The following BDKRB2 variants were observed in gnomAD, a reference collection of about 807,000 sequenced individuals.
BDKRB2 encodes bradykinin receptor B2.
In BDKRB2, 6 loss-of-function variants were observed where a neutral mutation model predicts 4.0. The ratio of observed to expected loss-of-function variants is 1.49; its 90% CI spans 0.81 to 2.93. The LOEUF (loss-of-function observed/expected upper bound fraction) is 2.93, where lower values mean the gene tolerates loss of function less well. Among genes scored for constraint, BDKRB2 ranks in the 30% most tolerant of loss-of-function variants. The probability of loss-of-function intolerance (pLI) is 0.00; values close to 1 mark genes in which losing one functional copy is unlikely to be tolerated. For synonymous variants in BDKRB2, 225 were observed against 215.3 expected, an observed-to-expected ratio of 1.05 and a Z score of -0.40; for missense variants, 478 against 520.1, an observed-to-expected ratio of 0.92 and a Z score of 0.79.
chr14:96,219,421 G>A (rs1334899910), intron 1 of BDKRB2, among the ~76,000 whole-genome samples: 1 of 151,958 alleles, frequency 6.6e-6, no homozygotes, highest in Non-Finnish European at 1.5e-5. Context: ...GGAGGGGTGG[G>A]GACCGGGACC....
intron 1 of BDKRB2, among the ~76,000 whole-genome samples, chr14:96,228,423 G>A (rs888843604): frequency 1.3e-5 from 2 of 152,172 alleles, no homozygotes; most frequent in Non-Finnish European, 2.9e-5. Flanking sequence ...GATGGTGAAT[G>A]CAGAGGTTTT....
chr14:96,239,948 T>C, intron 2 of BDKRB2: 1 of 986,862 alleles, frequency 1.0e-6, no homozygotes, highest in Non-Finnish European at 1.2e-6. Context: ...GACTGGAATC[T>C]CCAGGTCTGG....
intron 1 of BDKRB2, among the ~76,000 whole-genome samples, chr14:96,220,659 T>C (rs1326427900): frequency 6.7e-6 from 1 of 149,318 alleles, no homozygotes; most frequent in African/African-American, 2.5e-5. Context: ...CCATCCCTTT[T>C]CCTCCATCTC....
chr14:96,240,004 C>G, intron 2 of BDKRB2: 1 of 1,002,488 alleles, frequency 1.0e-6, no homozygotes, highest in Non-Finnish European at 1.2e-6. Flanking sequence ...ACCCACCACA[C>G]GGCTTTGAGA....
rs199660510 is a variant in BDKRB2 at position 96,237,092 on chromosome 14, C to G, written c.-16C>G. On this transcript the variant is annotated 5_prime_UTR_variant, in exon 2 of 3. The change creates a new upstream start codon in the 5' untranslated region. Coordinates refer to ENST00000554311, the MANE Select transcript of BDKRB2 (RefSeq NM_001379692.1). Reference sequence around the variant, plus strand: ...AGCCCAGGTGTGGCCTCACTCACATCCCACTCTGAGTCCAAATGTTCTCTC... The same window carrying G: ...AGCCCAGGTGTGGCCTCACTCACATGCCACTCTGAGTCCAAATGTTCTCTC... 45 of 1,607,232 alleles carry G rather than the reference C, an allele frequency of 2.8e-5. No individual in the cohort carries two copies. Among genetic ancestry groups the G allele is most frequent in the Non-Finnish European group, 3.8e-5 (45 of 1,173,756 alleles).
chr14:96,219,983 A>T (rs957037949), intron 1 of BDKRB2, among the ~76,000 whole-genome samples: 1 of 152,036 alleles, frequency 6.6e-6, no homozygotes, highest in Non-Finnish European at 1.5e-5. Flanking sequence ...GCAGTGAGCC[A>T]TTGTGACATT....
rs1363659698 is a variant in BDKRB2 at position 96,241,355 on chromosome 14, T to C, written c.1027T>C (p.Ser343Pro). The change falls in exon 3 of 3, where the codon TCT becomes CCT. Residue 343 changes from serine (S) to proline (P), a missense_variant. By Grantham distance (74) the Ser-to-Pro change is moderately conservative. Transcript: ENST00000554311. ...CGTGGGCAAGCGCTTCCGAAAGAAG[T>C]CTTGGGAGGTGTACCAGGGAGTGTG... ...VIVGKRFRKK[S>P]WEVYQGVCQK... is the part of the protein sequence containing the mutation. 6.2e-7 allele frequency: 1 copy of C among 1,613,794 alleles called. No individual in the cohort carries two copies. The highest frequency in any genetic ancestry group is 8.5e-7 in the Non-Finnish European group (1 of 1,179,968).
intron 1 of BDKRB2, among the ~76,000 whole-genome samples, chr14:96,226,307 G>T (rs568319596): frequency 6.6e-6 from 1 of 152,146 alleles, no homozygotes; most frequent in South Asian, 2.1e-4. Context: ...GACAATGTTA[G>T]CACACTGCTG....
At chr14:96,214,612 G>A (rs1359292634) in intron 1 of BDKRB2, 2 of 152,438 alleles carry the variant, frequency 1.3e-5, no homozygotes, top group East Asian at 1.9e-4. Flanking sequence ...ACATGCCAGA[G>A]TCGGGGTGGC....
intron 1 of BDKRB2, among the ~76,000 whole-genome samples, chr14:96,208,331 G>A (rs565272979): frequency 6.6e-6 from 1 of 152,202 alleles, no homozygotes; most frequent in Admixed American, 6.5e-5. Context: ...GGAAGATTCT[G>A]GAGGCTGGAA....
chr14:96,241,543 T>C lies in BDKRB2; in HGVS notation c.*39T>C. The C allele has an allele frequency of 1.3e-6, 2 of 1,501,256 alleles. No individual in the cohort carries two copies. Among genetic ancestry groups the C allele is most frequent in the Non-Finnish European group, 1.8e-6 (2 of 1,132,564 alleles). The allele number at this position is 1,501,256 out of a possible 1,614,324, so 93.0% of individuals were successfully genotyped here. A position where few individuals can be genotyped will look rare whatever the true frequency, so the allele number is the denominator to read the frequency against. On this transcript the variant is annotated 3_prime_UTR_variant, in exon 3 of 3. Coordinates refer to ENST00000554311, the MANE Select transcript of BDKRB2 (RefSeq NM_001379692.1). The stretch of plus-strand genomic sequence containing the variant: ...GGGCTGCTGTGAATTTGTGTAAGGA[T>C]TGAGGGACAGTTGCTTTTCAGCATG...
At position 96,232,026 on chromosome 14, in the gene BDKRB2, G is replaced by A. The variant is rs1261888084; in HGVS notation, c.-39-5043G>A. On this transcript the variant is annotated intron_variant, in intron 1 of 2. Coordinates refer to ENST00000554311, the MANE Select transcript of BDKRB2 (RefSeq NM_001379692.1). ...CCATCTCTCCATCCGGCTGTGTAAT[G>A]AATGACTGGAAACCTCAGCTGGCCT... is the stretch of plus-strand genomic sequence containing the variant. Among the ~76,000 whole-genome samples, 5 of 152,320 alleles carry A rather than the reference G, an allele frequency of 3.3e-5. No individual in the cohort carries two copies. In the East Asian group the frequency reaches 9.7e-4, roughly 29 times the overall value.
At chr14:96,224,866 G>A (rs1346792909) in intron 1 of BDKRB2, among the ~76,000 whole-genome samples, 1 of 152,196 alleles carries the variant, frequency 6.6e-6, no homozygotes, top group Non-Finnish European at 1.5e-5. Flanking sequence ...CCTCCTGAGC[G>A]GAATTGGATA....
intron 1 of BDKRB2, among the ~76,000 whole-genome samples, chr14:96,209,638 G>A (rs1890260619): frequency 6.6e-6 from 1 of 152,220 alleles, no homozygotes; most frequent in Non-Finnish European, 1.5e-5. Context: ...AAAGAAGCAG[G>A]TGGAGGAATC....
chr14:96,241,005 T>C lies in BDKRB2; in HGVS notation c.677T>C (p.Met226Thr), dbSNP rs778853908. The C allele has an allele frequency of 1.1e-5, 18 of 1,602,992 alleles. No homozygotes were observed. In the Admixed American group the frequency reaches 1.2e-4, roughly 10 times the overall value. The change falls in exon 3 of 3, where the codon ATG (methionine) becomes ACG (threonine). Residue 226 changes from methionine to threonine, a missense_variant. Physicochemically the swap from Met to Thr is moderately conservative, Grantham distance 81. Coordinates refer to ENST00000554311, the MANE Select transcript of BDKRB2 (RefSeq NM_001379692.1). ...CTCATCTGGGAAGTGTTCACCAACA[T>C]GCTCCTGAATGTCGTGGGCTTCCTG... ...PSLIWEVFTN[M>T]LLNVVGFLLP...
chr14:96,206,717 TG>T (rs1890188351), intron 1 of BDKRB2, among the ~76,000 whole-genome samples: 1 of 152,170 alleles, frequency 6.6e-6, no homozygotes, highest in African/African-American at 2.4e-5. Context: ...CCTCCTCACC[TG>T]TGCTGCTTGT....
intron 2 of BDKRB2, chr14:96,240,139 G>A (rs1211766849): frequency 2.5e-6 from 3 of 1,193,852 alleles, no homozygotes; most frequent in Non-Finnish European, 3.1e-6. Context: ...TGCTGTTGGT[G>A]GATACTGGCC....
intron 1 of BDKRB2, among the ~76,000 whole-genome samples, chr14:96,230,156 G>A (rs1011179017): frequency 6.6e-6 from 1 of 151,962 alleles, no homozygotes; most frequent in Non-Finnish European, 1.5e-5. Context: ...AAATTAAAAA[G>A]GATTGGAATA....
chr14:96,240,196 C>T (rs1198030596), intron 2 of BDKRB2: 27 of 1,291,296 alleles, frequency 2.1e-5, no homozygotes, highest in African/African-American at 1.1e-4. Flanking sequence ...ATGAGGCCCC[C>T]GTTTAGATCC....
Sources: allele counts gnomAD v4.1 joint callset (sites outside exome capture counted in the v4.1 genomes callset), GRCh38; gene constraint gnomAD v4.1.1; transcripts MANE v1.5; gene names NCBI Gene and HGNC (gene_info 2026-07-23, HGNC 2026-07-21).